EXOC6B: variants seen among roughly 807,000 people sequenced by gnomAD.
EXOC6B encodes SEC15 homolog B.
A neutral mutation model predicts 113.5 loss-of-function variants in EXOC6B; 54 were observed. The ratio of observed to expected loss-of-function variants is 0.48; its 90% CI spans 0.38 to 0.60. EXOC6B has a LOEUF of 0.60. Ranked by LOEUF, EXOC6B falls within the 20% of genes least tolerant of loss-of-function variation. The pLI is 0.00. For missense variants in EXOC6B, 797 were observed against 977.5 expected (o/e 0.82, Z 2.46); for synonymous variants, 357 against 339.0 (o/e 1.05, Z -0.58).
At chr2:72,704,785 T>C (rs1383911650) in intron 6 of EXOC6B, among the ~76,000 whole-genome samples, 2 of 150,034 alleles carry the variant, frequency 1.3e-5, no homozygotes, top group Admixed American at 6.7e-5. Flanking sequence ...CAGGAAGAAG[T>C]TGAATCTCTG....
intron 18 of EXOC6B, among the ~76,000 whole-genome samples, chr2:72,414,824 G>C (rs1345611212): frequency 6.6e-6 from 1 of 152,136 alleles, no homozygotes; most frequent in Non-Finnish European, 1.5e-5. Flanking sequence ...AAGATGTTTT[G>C]GTTAGCACAG....
At chr2:72,671,799 GAAAGAAAGAA>G (rs1558903219) in intron 6 of EXOC6B, among the ~76,000 whole-genome samples, 3 of 117,612 alleles carry the variant, frequency 2.6e-5, no homozygotes, top group African/African-American at 9.5e-5. Context: ...AAGAAAGAAA[GAAAGAAAGAA>G]AGAAAGAAAG....
intron 8 of EXOC6B, among the ~76,000 whole-genome samples, chr2:72,551,528 G>A (rs1242767025): frequency 1.7e-4 from 23 of 134,934 alleles, no homozygotes; most frequent in African/African-American, 6.2e-4. Flanking sequence ...TTTTTGAGAC[G>A]GAGTCTCGCT....
intron 18 of EXOC6B, among the ~76,000 whole-genome samples, chr2:72,452,650 T>G (rs1209247745): frequency 1.3e-5 from 2 of 152,214 alleles, no homozygotes; most frequent in African/African-American, 2.4e-5. Context: ...CAGCCAGGAA[T>G]AAGCATAGTA....
chr2:72,605,157 C>G (rs1362136607), intron 6 of EXOC6B, among the ~76,000 whole-genome samples: 1 of 151,766 alleles, frequency 6.6e-6, no homozygotes, highest in East Asian at 1.9e-4. Context: ...ATGGCGGGTG[C>G]TTGTAATCCC....
chr2:72,709,052 A>T (rs1679087599), intron 6 of EXOC6B, among the ~76,000 whole-genome samples: 1 of 151,182 alleles, frequency 6.6e-6, no homozygotes, highest in Non-Finnish European at 1.5e-5. Flanking sequence ...TTATAATTAA[A>T]ATTTAAAAAA....
chr2:72,513,001 T>A, intron 11 of EXOC6B, 131 bp downstream of exon 11: 1 of 1,053,622 alleles, frequency 9.5e-7, no homozygotes, highest in Non-Finnish European at 1.3e-6. Flanking sequence ...TACTTCTATG[T>A]CTTTGAAGGA....
intron 6 of EXOC6B, among the ~76,000 whole-genome samples, chr2:72,624,138 CTT>C (rs113271545): frequency 6.7e-6 from 1 of 149,756 alleles, no homozygotes; most frequent in South Asian, 2.1e-4. Flanking sequence ...ATCAGATCAT[CTT>C]TTTTTTTTCC....
intron 6 of EXOC6B, among the ~76,000 whole-genome samples, chr2:72,601,079 C>T (rs929292699): frequency 6.6e-6 from 1 of 151,286 alleles, no homozygotes; most frequent in African/African-American, 2.4e-5. Context: ...CAAGTAGACA[C>T]CATTATAGAC....
chr2:72,207,546 G>A (rs1053695194), intron 20 of EXOC6B, among the ~76,000 whole-genome samples: 1 of 152,170 alleles, frequency 6.6e-6, no homozygotes, highest in Non-Finnish European at 1.5e-5. Context: ...ACAAATGTTA[G>A]CAATGATGGT....
intron 20 of EXOC6B, among the ~76,000 whole-genome samples, chr2:72,328,547 T>G (rs1427380108): frequency 6.6e-6 from 1 of 152,132 alleles, no homozygotes; most frequent in Non-Finnish European, 1.5e-5. Flanking sequence ...CACTGCATTG[T>G]ATCTACTACC....
Position 72,178,621 on chromosome 2 carries a change from A to C in EXOC6B, c.*714T>G, listed in dbSNP as rs917498146. On this transcript the variant is annotated 3_prime_UTR_variant, in exon 22 of 22. Transcript: ENST00000272427. Reference sequence around the variant, plus strand: ...TCGAGTTGAGACTCAACACTCCTAGAGCTGGGGCAATATGCAGTTAAACAT... The same window carrying C: ...TCGAGTTGAGACTCAACACTCCTAGCGCTGGGGCAATATGCAGTTAAACAT... 1 of 152,242 alleles carries C rather than the reference A, an allele frequency of 6.6e-6. No individual in the cohort carries two copies. The highest frequency in any genetic ancestry group is 1.5e-5 in the Non-Finnish European group (1 of 68,042). The allele number at this position is 152,242 out of a possible 1,614,324, so 9.4% of individuals were successfully genotyped here. A position where few individuals can be genotyped will look rare whatever the true frequency, so the allele number is the denominator to read the frequency against.
chr2:72,728,888 T>C (rs767895579), intron 5 of EXOC6B, among the ~76,000 whole-genome samples: 3 of 152,186 alleles, frequency 2.0e-5, no homozygotes, highest in Non-Finnish European at 4.4e-5. Flanking sequence ...GAACTATTCA[T>C]ATAATAGACT....
intron 15 of EXOC6B, among the ~76,000 whole-genome samples, chr2:72,493,767 T>C (rs1173579847): frequency 2.0e-5 from 3 of 152,120 alleles, no homozygotes; most frequent in Non-Finnish European, 4.4e-5. Flanking sequence ...ATTACAAATT[T>C]TGTCAATATG....
chr2:72,730,993 A>T lies in EXOC6B; in HGVS notation c.464+14T>A, dbSNP rs200425029. 559 of 1,518,474 alleles carry T rather than the reference A, an allele frequency of 3.7e-4. No homozygotes were observed. The highest frequency in any genetic ancestry group is 4.7e-4 in the Non-Finnish European group (531 of 1,134,812). The allele number at this position is 1,518,474 out of a possible 1,614,324, so 94.1% of individuals were successfully genotyped here. ...TTAGATAGTAAAAACTGTTCGATTA[A>T]AAAAAAATCTTACCTTTTAGTTTTC... On this transcript the variant is annotated intron_variant, in intron 5 of 21. Coordinates refer to ENST00000272427, the MANE Select transcript of EXOC6B (RefSeq NM_015189.3).
chr2:72,565,653 A>G (rs1196057900), intron 7 of EXOC6B, among the ~76,000 whole-genome samples: 8 of 152,194 alleles, frequency 5.3e-5, no homozygotes, highest in Admixed American at 5.2e-4. Context: ...TAAGCAGTTT[A>G]TGAAAAAGAT....
intron 16 of EXOC6B, among the ~76,000 whole-genome samples, chr2:72,484,073 CTG>C (rs1252654317): frequency 6.6e-6 from 1 of 151,936 alleles, no homozygotes; most frequent in Non-Finnish European, 1.5e-5. Context: ...GAAAATTTTT[CTG>C]TCTCTCCTTC....
intron 18 of EXOC6B, among the ~76,000 whole-genome samples, chr2:72,457,416 T>C (rs1179486545): frequency 1.3e-5 from 2 of 152,092 alleles, no homozygotes; most frequent in Admixed American, 6.6e-5. Flanking sequence ...ATCATTGTAT[T>C]ACTAGACAAA....
intron 18 of EXOC6B, among the ~76,000 whole-genome samples, chr2:72,410,751 T>A (rs1694120926): frequency 6.6e-6 from 1 of 152,206 alleles, no homozygotes. Context: ...GTTATAAATT[T>A]GTTTTTGATT....
Sources: allele counts gnomAD v4.1 joint callset (sites outside exome capture counted in the v4.1 genomes callset), GRCh38; gene constraint gnomAD v4.1.1; transcripts MANE v1.5; gene names NCBI Gene and HGNC (gene_info 2026-07-23, HGNC 2026-07-21).